The following EYA4 variants were observed in gnomAD, a reference collection of about 807,000 sequenced individuals.
EYA4 encodes the protein protein phosphatase EYA4.
A neutral mutation model predicts 87.9 loss-of-function variants in EYA4; 31 were observed. That is an observed-to-expected ratio of 0.35 (90% CI 0.27 to 0.48). The LOEUF (loss-of-function observed/expected upper bound fraction) is 0.48, where lower values mean the gene tolerates loss of function less well. EYA4 is among the 20% of genes least tolerant of loss of function. The pLI, the probability that EYA4 is intolerant of heterozygous loss-of-function variation, is 0.99. For missense variants in EYA4, 678 were observed against 761.4 expected, an observed-to-expected ratio of 0.89 and a Z score of 1.29; for synonymous variants, 263 against 270.6, an observed-to-expected ratio of 0.97 and a Z score of 0.28.
Position 133,242,717 on chromosome 6 carries a change from G to A in EYA4, c.-66+968G>A, listed in dbSNP as rs148773207. 3.6e-3 allele frequency among the ~76,000 whole-genome samples: 552 copies of A among 152,306 alleles called. 7 individuals carry two copies. The highest frequency in any genetic ancestry group is 0.012 in the African/African-American group (516 of 41,578). ...ATTCTGAACAGCTCGGAGCGATTAG[G>A]GAATTTGCGGACCGAGTCCGGTGGC... On this transcript the variant is annotated intron_variant, in intron 1 of 19. Transcript: ENST00000355286.
intron 3 of EYA4, among the ~76,000 whole-genome samples, chr6:133,403,379 T>G (rs1188943268): frequency 1.3e-5 from 2 of 152,200 alleles, no homozygotes; most frequent in Non-Finnish European, 2.9e-5. Flanking sequence ...CAGGCTTTAT[T>G]TAACTCCCAA....
rs548750377 is a variant in EYA4 at position 133,454,101 on chromosome 6, T to C, written c.278-2455T>C. Among the ~76,000 whole-genome samples the C allele has an allele frequency of 3.0e-3, 454 of 152,322 alleles. 3 individuals are homozygous for C. Among genetic ancestry groups the C allele is most frequent in the African/African-American group, 0.011 (440 of 41,570 alleles). On this transcript the variant is annotated intron_variant, in intron 5 of 19. Transcript: ENST00000355286. Reference sequence around the variant, plus strand: ...AAAACTAATCTTCATGTCTGGCTTCTAGACCAGTTTCGTTAGACACAGCTC... The same window carrying C: ...AAAACTAATCTTCATGTCTGGCTTCCAGACCAGTTTCGTTAGACACAGCTC...
intron 2 of EYA4, among the ~76,000 whole-genome samples, chr6:133,339,799 G>A (rs1344023307): frequency 2.0e-5 from 3 of 152,168 alleles, no homozygotes; most frequent in Admixed American, 6.5e-5. Context: ...GTTAGGACAA[G>A]TCCAGGTAGG....
At position 133,500,417 on chromosome 6, in the gene EYA4, A is replaced by G. The variant is rs370350547; in HGVS notation, c.1192-5689A>G. Among the ~76,000 whole-genome samples, 11 of 152,112 alleles carry G rather than the reference A, an allele frequency of 7.2e-5. No individual in the cohort carries two copies. The East Asian group carries it at 2.1e-3, about 29-fold the overall frequency. ...ATCCTTTCCTCATTATTTCTCCATCAGAAAACCCCACTGACTGCCTGTACC... is the reference window on the plus strand; with the variant it reads ...ATCCTTTCCTCATTATTTCTCCATCGGAAAACCCCACTGACTGCCTGTACC... On this transcript the variant is annotated intron_variant, in intron 13 of 19. Coordinates refer to ENST00000355286, the MANE Select transcript of EYA4 (RefSeq NM_004100.5).
chr6:133,253,037 A>C (rs1775049284), intron 1 of EYA4, among the ~76,000 whole-genome samples: 1 of 151,680 alleles, frequency 6.6e-6, no homozygotes, highest in African/African-American at 2.4e-5. Flanking sequence ...TAATTTTGAA[A>C]TGTGTGCTTA....
At chr6:133,372,163 T>C (rs1785314996) in intron 2 of EYA4, among the ~76,000 whole-genome samples, 1 of 152,150 alleles carries the variant, frequency 6.6e-6, no homozygotes, top group African/African-American at 2.4e-5. Flanking sequence ...AATAAATTTC[T>C]TAGATTTTAG....
intron 5 of EYA4, among the ~76,000 whole-genome samples, chr6:133,455,203 G>A (rs1793798141): frequency 6.6e-6 from 1 of 152,170 alleles, no homozygotes; most frequent in South Asian, 2.1e-4. Context: ...CCATAATAGG[G>A]ATTACTGTGC....
chr6:133,381,728 T>G (rs211601), intron 2 of EYA4, among the ~76,000 whole-genome samples: 126,182 of 152,012 alleles, frequency 0.83, 54,116 homozygotes, highest in Non-Finnish European at 0.94. Flanking sequence ...ATTGTGAAAA[T>G]CTATGGATTT....
At chr6:133,360,336 C>T (rs1784363433) in intron 2 of EYA4, 1 of 152,048 alleles carries the variant, frequency 6.6e-6, no homozygotes, top group Non-Finnish European at 1.5e-5. Context: ...TTAGGAGAAG[C>T]CGTAGAAGAA....
chr6:133,290,386 T>A lies in EYA4; in HGVS notation c.33+15573T>A, dbSNP rs74586137. 6.4e-3 allele frequency among the ~76,000 whole-genome samples: 967 copies of A among 152,262 alleles called. 7 individuals are homozygous for A. Among genetic ancestry groups the A allele is most frequent in the Non-Finnish European group, 0.011 (779 of 68,006 alleles). ...CAGTTCATACATAAGAAGAAAAAAA[T>A]TTGATATGGGTTTATTTTCCCCTAT... On this transcript the variant is annotated intron_variant, in intron 2 of 19. Coordinates refer to ENST00000355286, the MANE Select transcript of EYA4 (RefSeq NM_004100.5).
chr6:133,359,291 G>T (rs975444974), intron 2 of EYA4, among the ~76,000 whole-genome samples: 10 of 152,174 alleles, frequency 6.6e-5, no homozygotes, highest in African/African-American at 2.4e-4. Flanking sequence ...CCTAGTCCTA[G>T]GCTCTTTGTG....
At chr6:133,365,304 T>C (rs1784774113) in intron 2 of EYA4, among the ~76,000 whole-genome samples, 1 of 152,178 alleles carries the variant, frequency 6.6e-6, no homozygotes, top group Non-Finnish European at 1.5e-5. Flanking sequence ...TCTCAGACCT[T>C]TCATAATTCT....
chr6:133,393,730 T>C (rs1787504684), intron 3 of EYA4, among the ~76,000 whole-genome samples: 1 of 152,218 alleles, frequency 6.6e-6, no homozygotes, highest in African/African-American at 2.4e-5. Context: ...TTCAAATAAA[T>C]GTCTTGGACT....
intron 2 of EYA4, among the ~76,000 whole-genome samples, chr6:133,358,011 A>G (rs1046060842): frequency 2.6e-5 from 4 of 152,138 alleles, no homozygotes; most frequent in African/African-American, 9.7e-5. Flanking sequence ...TTGCTACGGT[A>G]TAATATTTTC....
intron 3 of EYA4, among the ~76,000 whole-genome samples, chr6:133,436,565 C>T (rs17062555): frequency 0.015 from 2,347 of 152,242 alleles, 66 homozygotes; most frequent in African/African-American, 0.051. Context: ...GTCTTAATTA[C>T]GTGAATAGAA....
chr6:133,505,071 T>C (rs1197882659), intron 13 of EYA4, among the ~76,000 whole-genome samples: 1 of 152,180 alleles, frequency 6.6e-6, no homozygotes, highest in Admixed American at 6.5e-5. Flanking sequence ...CTAACACCCA[T>C]CTGGTCTCAA....
intron 3 of EYA4, among the ~76,000 whole-genome samples, chr6:133,399,774 C>T (rs147701500): frequency 9.2e-5 from 14 of 152,226 alleles, no homozygotes; most frequent in East Asian, 1.9e-4. Context: ...AAATTGGCAA[C>T]GTGCCTGTAT....
Position 133,373,932 on chromosome 6 carries a change from A to G in EYA4, c.34-8460A>G, listed in dbSNP as rs567357150. 9.9e-5 allele frequency among the ~76,000 whole-genome samples: 15 copies of G among 152,120 alleles called. No homozygotes were observed. In the East Asian group the frequency reaches 2.9e-3, roughly 29 times the overall value. ...AGCATATTATGGTTCCTTTTGTGGC[A>G]TTTTTTAAAAAGTAATGTGTTACCT... is the stretch of plus-strand genomic sequence containing the variant. On this transcript the variant is annotated intron_variant, in intron 2 of 19. Transcript: ENST00000355286.
intron 3 of EYA4, among the ~76,000 whole-genome samples, chr6:133,417,535 T>G (rs2128554040): frequency 6.6e-6 from 1 of 152,182 alleles, no homozygotes; most frequent in Middle Eastern, 3.4e-3. Context: ...TTGTGATGAG[T>G]TAGGTAATGC....
Sources: gnomAD v4.1 joint callset for allele counts (sites outside exome capture counted in the v4.1 genomes callset) on GRCh38, gnomAD v4.1.1 for gene constraint, MANE v1.5 for transcripts, NCBI Gene and HGNC (gene_info 2026-07-23, HGNC 2026-07-21) for gene names.